Variants in LHX8 observed in about 807,000 individuals in gnomAD.
LHX8 encodes LIM homeobox 8, also known as LIM/homeobox protein Lhx8.
A neutral mutation model predicts 40.3 loss-of-function variants in LHX8; 12 were observed. That is an observed-to-expected ratio of 0.30 (90% CI 0.19 to 0.48). The LOEUF (loss-of-function observed/expected upper bound fraction) is 0.48. LHX8 is among the 20% of genes least tolerant of loss of function. The probability of loss-of-function intolerance (pLI) is 0.99; values close to 1 mark genes in which losing one functional copy is unlikely to be tolerated. For synonymous variants in LHX8, 179 were observed against 162.0 expected (o/e 1.10, Z -0.80); for missense variants, 344 against 433.7 (o/e 0.79, Z 1.84).
upstream of LHX8, chr1:75,130,835 T>A (rs1647942536): frequency 2.6e-6 from 3 of 1,149,124 alleles, no homozygotes; most frequent in Non-Finnish European, 4.0e-6. Flanking sequence ...AAAGACACGG[T>A]CTCCTAACCC....
At chr1:75,158,901 A>C (rs1313530940) in intron 8 of LHX8, among the ~76,000 whole-genome samples, 1 of 152,166 alleles carries the variant, frequency 6.6e-6, no homozygotes, top group African/African-American at 2.4e-5. Flanking sequence ...TTTTGATACA[A>C]TCTATTACAG....
intron 2 of LHX8, 46 bp from the exon 3 acceptor site, chr1:75,137,053 AG>A: frequency 1.3e-6 from 2 of 1,545,568 alleles, no homozygotes; most frequent in Non-Finnish European, 8.7e-7. Context: ...TGGGATGCGA[AG>A]GGGAGGAGGG....
rs759936382 is a variant in LHX8, at chr1:75,143,942, G to A, written c.678G>A (p.Gln226=). Residue 226 remains glutamine, a synonymous_variant, in exon 6 of 9, where the codon CAG becomes CAA. Coordinates refer to ENST00000356261, the MANE Select transcript of LHX8 (RefSeq NM_001256114.2). The part of the protein sequence containing the change: ...KRARTSFTAD[Q]LQVMQAQFAQ... The stretch of plus-strand genomic sequence containing the variant: ...CTCGGACCAGCTTTACAGCAGATCA[G>A]CTTCAGGTAAGCATAACAATGAATT... 3.1e-6 allele frequency: 5 copies of A among 1,612,630 alleles called. No homozygotes were observed. The African/African-American group carries it at 6.7e-5, about 22-fold the overall frequency.
At chr1:75,191,068 GGAAGA>G in the LHX8 span, among the ~76,000 whole-genome samples, 1 of 151,598 alleles carries the variant, frequency 6.6e-6, no homozygotes, top group Non-Finnish European at 1.5e-5. Context: ...AGAGAGGAGA[GGAAGA>G]GAAGAGAATT....
At chr1:75,187,914 A>C in the LHX8 span, among the ~76,000 whole-genome samples, 2 of 152,244 alleles carry the variant, frequency 1.3e-5, no homozygotes, top group East Asian at 3.9e-4. Flanking sequence ...ACCAGGAATA[A>C]GAAAGATCCC....
chr1:75,168,303 A>C, the LHX8 span, among the ~76,000 whole-genome samples: 3 of 151,746 alleles, frequency 2.0e-5, no homozygotes, highest in African/African-American at 7.3e-5. Flanking sequence ...GCTCACTGCA[A>C]CCTCTGCCTC....
the LHX8 span, among the ~76,000 whole-genome samples, chr1:75,173,176 T>G: frequency 5.3e-5 from 8 of 152,056 alleles, no homozygotes; most frequent in Non-Finnish European, 1.0e-4. Flanking sequence ...TACCTGACAT[T>G]TAGTGAACAC....
Position 75,141,698 on chromosome 1 carries a change from G to A in LHX8, c.359+592G>A, listed in dbSNP as rs769379453. On this transcript the variant is annotated intron_variant, in intron 4 of 8. Transcript: ENST00000356261. ...TTAGATGAGATATCACATTTTCTGC[G>A]TGTGATCTCTGTGTAGTTTAAATTT... 2.2e-4 allele frequency among the ~76,000 whole-genome samples: 33 copies of A among 152,140 alleles called. 1 individual carries two copies. In the Middle Eastern group the frequency reaches 0.037, roughly 172 times the overall value.
chr1:75,146,972 T>C (rs1342970174), intron 6 of LHX8, among the ~76,000 whole-genome samples: 1 of 152,160 alleles, frequency 6.6e-6, no homozygotes, highest in Non-Finnish European at 1.5e-5. Flanking sequence ...ATTTTTCTAT[T>C]TGAAAAATTA....
chr1:75,182,130 A>C, the LHX8 span, among the ~76,000 whole-genome samples: 24 of 152,118 alleles, frequency 1.6e-4, no homozygotes, highest in Admixed American at 1.5e-3. Context: ...TTATGGTGTC[A>C]GGTCTTAGAT....
chr1:75,148,072 C>CTT, intron 6 of LHX8, among the ~76,000 whole-genome samples: 1 of 150,844 alleles, frequency 6.6e-6, no homozygotes, highest in African/African-American at 2.4e-5. Flanking sequence ...TTTTAGACAC[C>CTT]TTTTTTTTTG....
chr1:75,138,609 T>C (rs890664055), intron 3 of LHX8, among the ~76,000 whole-genome samples: 3 of 152,174 alleles, frequency 2.0e-5, no homozygotes, highest in East Asian at 1.9e-4. Flanking sequence ...GGGTTAAAAC[T>C]AGCATCCTAT....
intron 6 of LHX8, among the ~76,000 whole-genome samples, chr1:75,144,814 A>T (rs1021504399): frequency 1.3e-5 from 2 of 152,148 alleles, no homozygotes; most frequent in Non-Finnish European, 2.9e-5. Flanking sequence ...ATCTTAGCTC[A>T]GACTTTAAAG....
chr1:75,129,623 C>T (rs1414989603), upstream of LHX8, among the ~76,000 whole-genome samples: 1 of 152,214 alleles, frequency 6.6e-6, no homozygotes, highest in Admixed American at 6.5e-5. Flanking sequence ...GAATAGGAGG[C>T]TCACACAGCC....
the LHX8 span, among the ~76,000 whole-genome samples, chr1:75,183,635 A>T: frequency 6.6e-6 from 1 of 152,210 alleles, no homozygotes; most frequent in African/African-American, 2.4e-5. Flanking sequence ...AGCACTAAAT[A>T]TGGAAAGGAA....
upstream of LHX8, chr1:75,130,685 C>A: frequency 1.9e-6 from 3 of 1,611,122 alleles, no homozygotes; most frequent in Non-Finnish European, 2.5e-6. Flanking sequence ...AAGGTGAGCC[C>A]GTATACAGCT....
chr1:75,184,331 C>A, the LHX8 span, among the ~76,000 whole-genome samples: 18 of 152,272 alleles, frequency 1.2e-4, no homozygotes, highest in Non-Finnish European at 2.5e-4. Flanking sequence ...TTCTCATCGT[C>A]ACCTGACACA....
At chr1:75,131,456 T>A (rs1647957107), upstream of LHX8, 1 of 153,042 alleles carries the variant, frequency 6.5e-6, no homozygotes, top group Admixed American at 6.5e-5. Flanking sequence ...AATGCAGGCT[T>A]AATTTCATCC....
At chr1:75,155,380 A>G (rs528996475) in intron 7 of LHX8, among the ~76,000 whole-genome samples, 1,610 of 151,898 alleles carry the variant, frequency 0.011, 12 homozygotes, top group Non-Finnish European at 0.014. Flanking sequence ...GACTACAGGC[A>G]CCCGCCACCA....
Sources: gnomAD v4.1 joint callset for allele counts (sites outside exome capture counted in the v4.1 genomes callset) on GRCh38, gnomAD v4.1.1 for gene constraint, MANE v1.5 for transcripts, NCBI Gene and HGNC (gene_info 2026-07-23, HGNC 2026-07-21) for gene names.